Variants in PLD1 observed in about 807,000 individuals in gnomAD.
The protein encoded by PLD1 is phospholipase D1, also known as choline phosphatase 1.
A neutral mutation model predicts 137.1 loss-of-function variants in PLD1; 112 were observed. The ratio of observed to expected loss-of-function variants is 0.82; its 90% CI spans 0.70 to 0.96. PLD1 has a LOEUF of 0.96. Among genes scored for constraint, PLD1 ranks in the 40% least tolerant of loss-of-function variants. The pLI is 0.00. For missense variants in PLD1, 1,321 were observed against 1,342.0 expected (o/e 0.98, Z 0.24); for synonymous variants, 431 against 454.7 (o/e 0.95, Z 0.66).
chr3:171,751,231 A>T (rs1442000155), intron 1 of PLD1, among the ~76,000 whole-genome samples: 2 of 152,230 alleles, frequency 1.3e-5, no homozygotes, highest in East Asian at 3.8e-4. Context: ...TGAACTACAA[A>T]CATGTAAACA....
At chr3:171,670,875 G>C (rs934388858) in intron 19 of PLD1, among the ~76,000 whole-genome samples, 11 of 152,154 alleles carry the variant, frequency 7.2e-5, no homozygotes, top group Non-Finnish European at 4.4e-5. Context: ...GTGTATCTGT[G>C]GTGGCCATTT....
chr3:171,713,249 C>T (rs908747801), intron 9 of PLD1, among the ~76,000 whole-genome samples: 1 of 152,200 alleles, frequency 6.6e-6, no homozygotes, highest in Non-Finnish European at 1.5e-5. Context: ...CACTTGAGGT[C>T]AGGAGTTCGA....
At chr3:171,655,586 C>T (rs930222133) in intron 21 of PLD1, among the ~76,000 whole-genome samples, 1 of 152,146 alleles carries the variant, frequency 6.6e-6, no homozygotes, top group South Asian at 2.1e-4. Flanking sequence ...AATCCTCCCG[C>T]CTCCGCCTCC....
intron 1 of PLD1, among the ~76,000 whole-genome samples, chr3:171,768,662 G>A (rs190159758): frequency 2.3e-3 from 353 of 152,270 alleles, no homozygotes; most frequent in Non-Finnish European, 3.4e-3. Context: ...CTTCCTCAAC[G>A]TTTGGGGCGT....
chr3:171,803,406 T>C (rs912240002), intron 1 of PLD1, among the ~76,000 whole-genome samples: 5 of 152,132 alleles, frequency 3.3e-5, no homozygotes, highest in Non-Finnish European at 5.9e-5. Context: ...AAGCCAGTGG[T>C]GTGCTGAGAA....
intron 10 of PLD1, 98 bp downstream of exon 10, chr3:171,709,462 T>A (rs1176881391): frequency 1.0e-6 from 1 of 977,392 alleles, no homozygotes; most frequent in Non-Finnish European, 1.6e-6. Flanking sequence ...TAATGCATAA[T>A]CTTTCACAGT....
chr3:171,671,428 C>G lies in PLD1; in HGVS notation c.2229+3072G>C, dbSNP rs148320543. 1.4e-3 allele frequency among the ~76,000 whole-genome samples: 214 copies of G among 152,242 alleles called. 6 individuals are homozygous for G. In the East Asian group the frequency reaches 0.034, roughly 24 times the overall value. On this transcript the variant is annotated intron_variant, in intron 19 of 26. Coordinates refer to ENST00000351298, the MANE Select transcript of PLD1 (RefSeq NM_002662.5). Reference sequence around the variant, plus strand: ...TCTGTCCCAAATTTTCAGTTAGTTCCTAGTCGTGATGTCCCTTTGTCTCTT... The same window carrying G: ...TCTGTCCCAAATTTTCAGTTAGTTCGTAGTCGTGATGTCCCTTTGTCTCTT...
intron 23 of PLD1, among the ~76,000 whole-genome samples, chr3:171,634,866 A>G (rs1014851565): frequency 4.6e-5 from 7 of 151,988 alleles, no homozygotes; most frequent in Admixed American, 2.6e-4. Flanking sequence ...AACCATCACC[A>G]CCACCTAATT....
intron 8 of PLD1, among the ~76,000 whole-genome samples, chr3:171,719,755 T>C (rs1717955570): frequency 6.6e-6 from 1 of 152,226 alleles, no homozygotes; most frequent in African/African-American, 2.4e-5. Flanking sequence ...AGTTTCTCAA[T>C]AAATGTGCTG....
chr3:171,730,337 A>C (rs1164300722), intron 6 of PLD1, among the ~76,000 whole-genome samples: 1 of 152,172 alleles, frequency 6.6e-6, no homozygotes. Context: ...AACTGAACAA[A>C]TCACCAATGG....
intron 24 of PLD1, among the ~76,000 whole-genome samples, chr3:171,616,742 A>G (rs1733145055): frequency 6.6e-6 from 1 of 152,196 alleles, no homozygotes; most frequent in South Asian, 2.1e-4. Flanking sequence ...AAAGAATGCA[A>G]CAGCCCTGCT....
At chr3:171,632,668 T>A (rs1578147616) in intron 23 of PLD1, among the ~76,000 whole-genome samples, 1 of 152,298 alleles carries the variant, frequency 6.6e-6, no homozygotes, top group East Asian at 1.9e-4. Flanking sequence ...AAAGTAAAAT[T>A]ATTATAACAT....
intron 21 of PLD1, among the ~76,000 whole-genome samples, chr3:171,649,799 C>T (rs192009231): frequency 3.3e-5 from 5 of 151,832 alleles, no homozygotes; most frequent in African/African-American, 9.7e-5. Context: ...GGCAGTGCTA[C>T]GTATAATAGC....
intron 6 of PLD1, among the ~76,000 whole-genome samples, 165 bp from the exon 7 acceptor site, chr3:171,726,241 T>A (rs1718495365): frequency 6.6e-6 from 1 of 151,916 alleles, no homozygotes; most frequent in Admixed American, 6.6e-5. Context: ...AGATTAGGAG[T>A]ATATAAACAA....
chr3:171,734,326 A>T (rs1013659912), intron 5 of PLD1, among the ~76,000 whole-genome samples: 1 of 152,172 alleles, frequency 6.6e-6, no homozygotes, highest in Admixed American at 6.5e-5. Flanking sequence ...TAGTAAAAAA[A>T]ATTAATTGTC....
At chr3:171,701,787 T>C (rs1173684391) in intron 11 of PLD1, among the ~76,000 whole-genome samples, 1 of 152,208 alleles carries the variant, frequency 6.6e-6, no homozygotes, top group African/African-American at 2.4e-5. Flanking sequence ...TTACATTTCA[T>C]TGGATCTAGG....
At chr3:171,731,281 A>G (rs1718923512) in intron 6 of PLD1, among the ~76,000 whole-genome samples, 1 of 152,224 alleles carries the variant, frequency 6.6e-6, no homozygotes, top group South Asian at 2.1e-4. Flanking sequence ...ATACTTTTTT[A>G]GTATTTCTCA....
Position 171,600,550 on chromosome 3 carries a change from T to C in PLD1, c.*2528A>G, listed in dbSNP as rs773439523. ...GTTAAAGATAAATTATTTGAACTTC[T>C]AGTAGGTAGTAATGGTGTCAGAGAA... On this transcript the variant is annotated 3_prime_UTR_variant, in exon 27 of 27. Transcript: ENST00000351298. 3.3e-5 allele frequency: 5 copies of C among 152,076 alleles called. No homozygotes were observed. The highest frequency in any genetic ancestry group is 7.4e-5 in the Non-Finnish European group (5 of 68,018). The allele number at this position is 152,076 out of a possible 1,614,324, so 9.4% of individuals were successfully genotyped here. A position where few individuals can be genotyped will look rare whatever the true frequency, so the allele number is the denominator to read the frequency against.
chr3:171,674,994 A>AAG (rs531978942), intron 18 of PLD1, among the ~76,000 whole-genome samples: 4,156 of 148,328 alleles, frequency 0.028, 164 homozygotes, highest in African/African-American at 0.089. Context: ...AAAAAAAAAA[A>AAG]AAAAAGAAAA....
Sources: gnomAD v4.1 joint callset for allele counts (sites outside exome capture counted in the v4.1 genomes callset) on GRCh38, gnomAD v4.1.1 for gene constraint, MANE v1.5 for transcripts, NCBI Gene and HGNC (gene_info 2026-07-23, HGNC 2026-07-21) for gene names.